Variants in NOX4 observed in about 807,000 individuals in gnomAD.
NOX4 encodes kidney oxidase-1.
A neutral mutation model predicts 87.6 loss-of-function variants in NOX4; 69 were observed. That is an observed-to-expected ratio of 0.79 (90% CI 0.65 to 0.96). The LOEUF is 0.96. NOX4 is among the 40% of genes least tolerant of loss of function. The pLI is 0.00. For synonymous variants in NOX4, 275 were observed against 238.2 expected, an observed-to-expected ratio of 1.15 and a Z score of -1.42; for missense variants, 680 against 681.5, an observed-to-expected ratio of 1.00 and a Z score of 0.02.
intron 8 of NOX4, among the ~76,000 whole-genome samples, chr11:89,404,957 T>C (rs1942084902): frequency 6.6e-6 from 1 of 152,122 alleles, no homozygotes; most frequent in South Asian, 2.1e-4. Context: ...TAACTAAGTA[T>C]AGTCAAAGCA....
upstream of NOX4, among the ~76,000 whole-genome samples, chr11:89,491,731 C>T (rs1384523272): frequency 3.0e-5 from 1 of 33,296 alleles, no homozygotes. Context: ...CCCTTGTACA[C>T]ACACACACAC....
intron 4 of NOX4, among the ~76,000 whole-genome samples, chr11:89,447,077 A>G (rs528093604): frequency 2.0e-5 from 3 of 152,240 alleles, no homozygotes; most frequent in Admixed American, 2.0e-4. Context: ...AAGAGGAAAA[A>G]AAATGGACAG....
the NOX4 span, among the ~76,000 whole-genome samples, chr11:89,522,562 G>T: frequency 2.0e-5 from 3 of 151,902 alleles, no homozygotes; most frequent in Non-Finnish European, 4.4e-5. Context: ...TGGGTTTATG[G>T]GATCATTTGT....
the NOX4 span, among the ~76,000 whole-genome samples, chr11:89,516,571 A>G: frequency 2.6e-5 from 4 of 152,006 alleles, no homozygotes; most frequent in Non-Finnish European, 4.4e-5. Context: ...GCAAACTCAT[A>G]TCTTACCTGG....
chr11:89,404,455 T>C (rs186938299), intron 8 of NOX4, among the ~76,000 whole-genome samples: 13 of 152,230 alleles, frequency 8.5e-5, no homozygotes, highest in Admixed American at 2.6e-4. Flanking sequence ...TCAAAGAAGC[T>C]GAACATAAAT....
chr11:89,434,942 G>A (rs745443093), intron 6 of NOX4, among the ~76,000 whole-genome samples: 46 of 152,128 alleles, frequency 3.0e-4, no homozygotes, highest in Non-Finnish European at 5.0e-4. Context: ...GTGATAGAAA[G>A]CAGATCAGTT....
At chr11:89,530,003 T>C in the NOX4 span, among the ~76,000 whole-genome samples, 4 of 152,148 alleles carry the variant, frequency 2.6e-5, no homozygotes, top group African/African-American at 9.7e-5. Flanking sequence ...TATCAGTTTT[T>C]AGCACTCACT....
Position 89,326,425 on chromosome 11 carries a change from A to C in NOX4, c.*331T>G, listed in dbSNP as rs2135352650. On this transcript the variant is annotated 3_prime_UTR_variant, in exon 18 of 18. Coordinates refer to ENST00000263317, the MANE Select transcript of NOX4 (RefSeq NM_016931.5). ...CAATTTAAAGAGGAACACGACAATC[A>C]GCCTTAGATTGAGCAAGTTCAGCTC... The C allele has an allele frequency of 6.1e-6, 1 of 163,434 alleles. No homozygotes were observed. The highest frequency in any genetic ancestry group is 1.7e-4 in the East Asian group (1 of 5,814). 10.1% of individuals were successfully genotyped at this position (163,434 alleles called of 1,614,324 possible).
At chr11:89,424,744 C>T (rs16913234) in intron 7 of NOX4, among the ~76,000 whole-genome samples, 5,456 of 152,038 alleles carry the variant, frequency 0.036, 322 homozygotes, top group African/African-American at 0.12. Context: ...ATTATTTTAA[C>T]AGATTGACCC....
At chr11:89,436,734 A>T (rs2135331381) in intron 6 of NOX4, among the ~76,000 whole-genome samples, 1 of 152,238 alleles carries the variant, frequency 6.6e-6, no homozygotes, top group Non-Finnish European at 1.5e-5. Flanking sequence ...GGGTTTTTAA[A>T]ATTAAAGTTA....
intron 11 of NOX4, among the ~76,000 whole-genome samples, chr11:89,388,270 A>G (rs1940860612): frequency 6.6e-6 from 1 of 152,090 alleles, no homozygotes; most frequent in Non-Finnish European, 1.5e-5. Flanking sequence ...TCCAGGATCA[A>G]CACACTCATT....
chr11:89,506,257 AAG>A, the NOX4 span, among the ~76,000 whole-genome samples: 6 of 149,326 alleles, frequency 4.0e-5, no homozygotes, highest in Non-Finnish European at 8.9e-5. Context: ...GAAAGAAAAA[AAG>A]AAAGAGAAAG....
Position 89,451,873 on chromosome 11 carries a change from G to T in NOX4, c.176C>A (p.Ala59Asp). The T allele has an allele frequency of 6.2e-7, 1 of 1,612,672 alleles. No individual in the cohort carries two copies. Among genetic ancestry groups the T allele is most frequent in the Non-Finnish European group, 8.5e-7 (1 of 1,178,876 alleles). ...MLGLGLCLSR[A>D]SASVLNLNCS... The stretch of plus-strand genomic sequence containing the variant: ...GTTGAGGTTAAGAACAGATGCTGAG[G>T]CTCTGCTTAGACACAATCCTAGCTG... The change falls in exon 3 of 18, where the codon GCC becomes GAC. Residue 59 changes from alanine to aspartate, a missense_variant. Transcript: ENST00000263317.
chr11:89,560,974 C>A, the NOX4 span, among the ~76,000 whole-genome samples: 16 of 70,750 alleles, frequency 2.3e-4, no homozygotes, highest in East Asian at 2.4e-3. Context: ...CTCTCTCTCT[C>A]TCTCTCTCTC....
chr11:89,339,992 C>T lies in NOX4; in HGVS notation c.1446+71G>A, dbSNP rs555775919. 20 of 736,704 alleles carry T rather than the reference C, an allele frequency of 2.7e-5. No homozygotes were observed. The South Asian group carries it at 3.6e-4, about 13-fold the overall frequency. 45.6% of individuals were successfully genotyped at this position (736,704 alleles called of 1,614,324 possible). ...TTTATTCTATGGCAAGCATTTATTG[C>T]TTTTGTAATATAAAAGCTATAACAT... On this transcript the variant is annotated intron_variant, in intron 15 of 17. Coordinates refer to ENST00000263317, the MANE Select transcript of NOX4 (RefSeq NM_016931.5).
chr11:89,531,428 T>C, the NOX4 span, among the ~76,000 whole-genome samples: 2 of 152,158 alleles, frequency 1.3e-5, no homozygotes, highest in Non-Finnish European at 2.9e-5. Flanking sequence ...AGTCCTGAAT[T>C]TGAATACCAA....
chr11:89,431,022 A>G (rs963709840), intron 7 of NOX4, among the ~76,000 whole-genome samples: 1 of 152,212 alleles, frequency 6.6e-6, no homozygotes, highest in Admixed American at 6.5e-5. Context: ...GACCAATGGA[A>G]CAGAACAGAG....
intron 13 of NOX4, among the ~76,000 whole-genome samples, chr11:89,353,179 G>A (rs559911095): frequency 2.9e-4 from 44 of 152,328 alleles, no homozygotes; most frequent in African/African-American, 1.0e-3. Flanking sequence ...ACTTGATAAA[G>A]CAACAGCAGG....
intron 7 of NOX4, among the ~76,000 whole-genome samples, chr11:89,432,531 C>T (rs548056419): frequency 2.0e-5 from 3 of 152,158 alleles, no homozygotes; most frequent in Admixed American, 6.6e-5. Context: ...TACTCAAATT[C>T]TGAAGAACTC....
Sources: gnomAD v4.1 joint callset for allele counts (sites outside exome capture counted in the v4.1 genomes callset) on GRCh38, gnomAD v4.1.1 for gene constraint, MANE v1.5 for transcripts, NCBI Gene and HGNC (gene_info 2026-07-23, HGNC 2026-07-21) for gene names.